The following SNX29 variants were observed in gnomAD, a reference collection of about 807,000 sequenced individuals.
SNX29 encodes the protein sorting nexin-29.
Under a neutral mutation model 102.1 loss-of-function variants are expected in SNX29, and 78 were observed. That is an observed-to-expected ratio of 0.76 (90% CI 0.64 to 0.92). SNX29 has a LOEUF of 0.92. Ranked by LOEUF, SNX29 falls within the 40% of genes least tolerant of loss-of-function variation. SNX29 has a pLI of 0.00. For synonymous variants in SNX29, 580 were observed against 414.5 expected, an observed-to-expected ratio of 1.40 and a Z score of -4.85; for missense variants, 1,280 against 1,061.7, an observed-to-expected ratio of 1.21 and a Z score of -2.86.
At chr16:12,034,391 G>A (rs2057418426) in intron 4 of SNX29, among the ~76,000 whole-genome samples, 1 of 152,184 alleles carries the variant, frequency 6.6e-6, no homozygotes, top group South Asian at 2.1e-4. Context: ...AGCCTTGGAA[G>A]GATGTCTGCT....
intron 1 of SNX29, 50 bp downstream of exon 1, chr16:11,976,863 G>T: frequency 7.5e-7 from 1 of 1,327,420 alleles, no homozygotes; most frequent in South Asian, 2.0e-5. Flanking sequence ...CCCGGCTCCC[G>T]CCGCTCCAGC....
intron 19 of SNX29, among the ~76,000 whole-genome samples, chr16:12,509,348 C>A (rs2089509991): frequency 6.6e-6 from 1 of 152,164 alleles, no homozygotes; most frequent in Non-Finnish European, 1.5e-5. Flanking sequence ...CCCACACCAC[C>A]CAAGCAGTTG....
intron 19 of SNX29, among the ~76,000 whole-genome samples, chr16:12,521,086 A>G (rs1468338590): frequency 1.3e-5 from 2 of 152,140 alleles, no homozygotes; most frequent in African/African-American, 2.4e-5. Context: ...AGGCTGAGGT[A>G]GGAGGACTGC....
At chr16:12,525,751 A>C (rs1361261552) in intron 20 of SNX29, among the ~76,000 whole-genome samples, 2 of 144,108 alleles carry the variant, frequency 1.4e-5, no homozygotes, top group African/African-American at 5.2e-5. Context: ...TTGTCAATTA[A>C]CCCAACGGAT....
chr16:12,358,434 TG>T (rs2082205100), intron 16 of SNX29, among the ~76,000 whole-genome samples: 1 of 151,990 alleles, frequency 6.6e-6, no homozygotes, highest in Non-Finnish European at 1.5e-5. Context: ...GCCAGGCATG[TG>T]GTGGGCGCCT....
intron 3 of SNX29, among the ~76,000 whole-genome samples, chr16:12,007,305 G>C (rs1476238497): frequency 6.6e-6 from 1 of 152,176 alleles, no homozygotes; most frequent in Non-Finnish European, 1.5e-5. Context: ...AGGAGTTCAA[G>C]ACCAGCCTGG....
intron 14 of SNX29, among the ~76,000 whole-genome samples, chr16:12,237,979 G>T (rs1324658733): frequency 6.6e-6 from 1 of 152,192 alleles, no homozygotes; most frequent in Non-Finnish European, 1.5e-5. Context: ...GGCCACAGAA[G>T]CAACGACGCT....
intron 13 of SNX29, among the ~76,000 whole-genome samples, chr16:12,159,488 G>A (rs2055692122): frequency 6.6e-6 from 1 of 152,190 alleles, no homozygotes; most frequent in Admixed American, 6.5e-5. Context: ...TTCACCAAAG[G>A]ATTTTATGAG....
At position 12,135,410 on chromosome 16, in the gene SNX29, C is replaced by T. The variant is rs935773594; in HGVS notation, c.1595+5652C>T. ...TACAGGGCTCCAGAGGATGGCAGCC[C>T]ACCCAGGCCTGGACAGTTGGGTTGC... On this transcript the variant is annotated intron_variant, in intron 13 of 20. Transcript: ENST00000566228. 6 of 799,476 alleles carry T rather than the reference C, an allele frequency of 7.5e-6. No individual in the cohort carries two copies. The African/African-American group carries it at 1.1e-4, about 14-fold the overall frequency. 49.5% of individuals were successfully genotyped at this position (799,476 alleles called of 1,614,324 possible).
chr16:12,059,274 C>A (rs1224095064), intron 8 of SNX29, among the ~76,000 whole-genome samples: 2 of 152,208 alleles, frequency 1.3e-5, no homozygotes, highest in Non-Finnish European at 2.9e-5. Flanking sequence ...CTTTTGCTGC[C>A]TTCTCCTGAA....
chr16:12,303,576 AGGCAAG>A (rs1334704934), intron 15 of SNX29, among the ~76,000 whole-genome samples: 1 of 152,222 alleles, frequency 6.6e-6, no homozygotes, highest in Non-Finnish European at 1.5e-5. Context: ...CTATACGGAA[AGGCAAG>A]GGCATGGTAA....
At position 12,007,223 on chromosome 16, in the gene SNX29, G is replaced by A. The variant is rs183174790; in HGVS notation, c.122+4180G>A. Among the ~76,000 whole-genome samples the A allele has an allele frequency of 3.2e-3, 481 of 152,306 alleles. 6 individuals carry two copies. Among genetic ancestry groups the A allele is most frequent in the Non-Finnish European group, 3.2e-3 (221 of 68,032 alleles). ...CTATTCTGTGAGAAAGTTGAATCTCGGCTGGATGCAGTGGCTCACGCCTAT... is the reference window on the plus strand; with the variant it reads ...CTATTCTGTGAGAAAGTTGAATCTCAGCTGGATGCAGTGGCTCACGCCTAT... On this transcript the variant is annotated intron_variant, in intron 3 of 20. Coordinates refer to ENST00000566228, the MANE Select transcript of SNX29 (RefSeq NM_032167.5).
intron 20 of SNX29, among the ~76,000 whole-genome samples, chr16:12,550,200 A>G (rs1369304458): frequency 7.9e-5 from 12 of 152,240 alleles, no homozygotes; most frequent in Admixed American, 7.9e-4. Context: ...CTAAGAGGAT[A>G]AAGCATGGAA....
chr16:11,986,022 C>G (rs1003871844), intron 1 of SNX29, among the ~76,000 whole-genome samples: 1 of 151,886 alleles, frequency 6.6e-6, no homozygotes, highest in Non-Finnish European at 1.5e-5. Flanking sequence ...CTAGACTGGT[C>G]TCGAACTCCT....
chr16:12,242,043 T>G (rs1442067662), intron 14 of SNX29, among the ~76,000 whole-genome samples: 1 of 152,116 alleles, frequency 6.6e-6, no homozygotes, highest in African/African-American at 2.4e-5. Context: ...CCAAGTCACA[T>G]GCCACTCCTG....
chr16:12,539,593 G>T lies in SNX29; in HGVS notation c.2318+14752G>T, dbSNP rs189279003. ...TGAACAAAAGTTTTCATTTCTGTGC[G>T]GCAAATACCTAAGAGTTGAGGACTG... On this transcript the variant is annotated intron_variant, in intron 20 of 20. Transcript: ENST00000566228. 3.9e-5 allele frequency among the ~76,000 whole-genome samples: 6 copies of T among 152,230 alleles called. No individual in the cohort carries two copies. In the East Asian group the frequency reaches 5.8e-4, roughly 15 times the overall value.
intron 1 of SNX29, among the ~76,000 whole-genome samples, chr16:11,997,147 G>A (rs918351116): frequency 1.3e-5 from 2 of 152,050 alleles, no homozygotes; most frequent in Non-Finnish European, 2.9e-5. Flanking sequence ...ACATCTGCCC[G>A]CCTGTTTGAT....
At chr16:12,491,380 T>C (rs2088537274) in intron 19 of SNX29, among the ~76,000 whole-genome samples, 1 of 152,230 alleles carries the variant, frequency 6.6e-6, no homozygotes, top group South Asian at 2.1e-4. Flanking sequence ...AGTGGTTCAC[T>C]CTCAATCATG....
At position 12,290,637 on chromosome 16, in the gene SNX29, CTG is replaced by C. The variant is rs370894146; in HGVS notation, c.1782+12606_1782+12607del. On this transcript the variant is annotated intron_variant, in intron 15 of 20. Coordinates refer to ENST00000566228, the MANE Select transcript of SNX29 (RefSeq NM_032167.5). ...TGGCTCAAGCTGTCTGTGACAAAGA[CTG>C]TGTGATTTATCAAGGTCTGTCTCAT... Among the ~76,000 whole-genome samples the C allele has an allele frequency of 1.7e-4, 26 of 152,276 alleles. No individual in the cohort carries two copies. In the East Asian group the frequency reaches 3.9e-3, roughly 23 times the overall value.
Sources: gnomAD v4.1 joint callset for allele counts (sites outside exome capture counted in the v4.1 genomes callset) on GRCh38, gnomAD v4.1.1 for gene constraint, MANE v1.5 for transcripts, NCBI Gene and HGNC (gene_info 2026-07-23, HGNC 2026-07-21) for gene names.